The following RIPK4 variants were observed in gnomAD, a reference collection of about 807,000 sequenced individuals.
RIPK4 encodes the protein receptor-interacting serine/threonine-protein kinase 4.
A neutral mutation model predicts 42.9 loss-of-function variants in RIPK4; 17 were observed. That is an observed-to-expected ratio of 0.40 (90% CI 0.27 to 0.59). The LOEUF (loss-of-function observed/expected upper bound fraction) is 0.59, where lower values mean the gene tolerates loss of function less well. Among genes scored for constraint, RIPK4 ranks in the 20% least tolerant of loss-of-function variants. RIPK4 has a pLI of 0.47. For synonymous variants in RIPK4, 498 were observed against 499.1 expected (o/e 1.00, Z 0.03); for missense variants, 897 against 1,104.4 (o/e 0.81, Z 2.66).
At chr21:41,766,792 C>A in intron 1 of RIPK4, 68 bp downstream of exon 1, 1 of 1,493,534 alleles carries the variant, frequency 6.7e-7, no homozygotes. Flanking sequence ...GACCCCGGGA[C>A]CAGAGCACCC....
rs201802815 is a variant in RIPK4, at chr21:41,740,916, G to T, written c.2277C>A (p.Ala759=). The T allele has an allele frequency of 6.2e-7, 1 of 1,612,496 alleles. No individual in the cohort carries two copies. Among genetic ancestry groups the T allele is most frequent in the Non-Finnish European group, 8.5e-7 (1 of 1,179,836 alleles). The change falls in exon 8 of 8, where the codon GCC becomes GCA. Residue 759 remains alanine, a synonymous_variant. Transcript: ENST00000332512. ...QTVETLLRHG[A]HINLQSLKFQ... ...ACTTGAGGCTCTGCAGGTTGATGTGGGCCCCATGCCTGAGCAGAGTCTCCA... is the reference window on the plus strand; with the variant it reads ...ACTTGAGGCTCTGCAGGTTGATGTGTGCCCCATGCCTGAGCAGAGTCTCCA...
rs551271366 is a variant in RIPK4 at position 41,764,604 on chromosome 21, A to G, written c.182+2256T>C. On this transcript the variant is annotated intron_variant, in intron 1 of 7. Transcript: ENST00000332512. The stretch of plus-strand genomic sequence containing the variant: ...CTGGGGTGGGAGGCAGCTCGTCAGA[A>G]AAGCACTGAGAAATGTGGCAGGGCA... Among the ~76,000 whole-genome samples, 19 of 152,304 alleles carry G rather than the reference A, an allele frequency of 1.2e-4. No individual in the cohort carries two copies. In the South Asian group the frequency reaches 3.7e-3, roughly 30 times the overall value.
chr21:41,742,140 T>C lies in RIPK4; in HGVS notation c.1196-143A>G. ...CTGGTCACCCGACTGTGTTTGAGCG[T>C]TGTCTGTGCCTCGTGATTAAGGTCA... On this transcript the variant is annotated intron_variant, in intron 7 of 7. Transcript: ENST00000332512. The surrounding 1 kb of genome is among the most constrained non-coding windows in gnomAD (Gnocchi z 5.1). 1.3e-6 allele frequency: 1 copy of C among 759,192 alleles called. No individual in the cohort carries two copies. Among genetic ancestry groups the C allele is most frequent in the South Asian group, 1.8e-5 (1 of 56,892 alleles). 47.0% of individuals were successfully genotyped at this position (759,192 alleles called of 1,614,324 possible). A position where few individuals can be genotyped will look rare whatever the true frequency, so the allele number is the denominator to read the frequency against.
In RIPK4 at chr21:41,755,762, C is replaced by T. The variant is rs527919414; in HGVS notation, c.474+763G>A. Among the ~76,000 whole-genome samples the T allele has an allele frequency of 3.3e-5, 5 of 152,346 alleles. No individual in the cohort carries two copies. Among genetic ancestry groups the T allele is most frequent in the African/African-American group, 1.2e-4 (5 of 41,566 alleles). ...CCACGTGGGGAAAAACTACAACGCG[C>T]CAGGTGTAACCACCACATGTCAACG... On this transcript the variant is annotated intron_variant, in intron 2 of 7. Transcript: ENST00000332512. The surrounding 1 kb of genome is among the most constrained non-coding windows in gnomAD (Gnocchi z 4.2).
chr21:41,744,649 A>C (rs7276631), intron 6 of RIPK4, among the ~76,000 whole-genome samples: 6,951 of 152,340 alleles, frequency 0.046, 230 homozygotes, highest in Middle Eastern at 0.078. Flanking sequence ...AATGTGAGGC[A>C]TGTATGGCGG....
intron 1 of RIPK4, among the ~76,000 whole-genome samples, chr21:41,757,546 C>A (rs1173371487): frequency 1.3e-5 from 2 of 148,976 alleles, no homozygotes; most frequent in African/African-American, 4.9e-5. Context: ...AAAGTTGTAA[C>A]TAGTTATGTT....
In RIPK4 at chr21:41,740,135, TGTGTGGTTGTCCACAAGG is replaced by T. The variant is rs2061147878; in HGVS notation, c.*685_*702del. ...GCAGCTAGTACCATGTGGGCACGTG[TGTGTGGTTGTCCACAAGG>T]ACTCACCCAAGTAATAGACTGGAAT... On this transcript the variant is annotated 3_prime_UTR_variant, in exon 8 of 8. Coordinates refer to ENST00000332512, the MANE Select transcript of RIPK4 (RefSeq NM_020639.3). 6.6e-6 allele frequency: 1 copy of T among 152,226 alleles called. No individual in the cohort carries two copies. The highest frequency in any genetic ancestry group is 1.5e-5 in the Non-Finnish European group (1 of 68,050). 9.4% of individuals were successfully genotyped at this position (152,226 alleles called of 1,614,324 possible). A position where few individuals can be genotyped will look rare whatever the true frequency, so the allele number is the denominator to read the frequency against.
At chr21:41,763,756 G>A (rs539910258) in intron 1 of RIPK4, among the ~76,000 whole-genome samples, 2 of 152,308 alleles carry the variant, frequency 1.3e-5, no homozygotes, top group East Asian at 3.9e-4. Context: ...CAGCTCTGTT[G>A]TTACAAACCT....
intron 1 of RIPK4, among the ~76,000 whole-genome samples, chr21:41,758,037 TATATAG>T (rs1470198311): frequency 2.3e-4 from 22 of 95,716 alleles, no homozygotes; most frequent in African/African-American, 1.2e-3. Flanking sequence ...TATATATATA[TATATAG>T]AGAGAGAGAG....
At chr21:41,766,717 G>T (rs1569109295) in intron 1 of RIPK4, 143 bp downstream of exon 1, 6 of 872,670 alleles carry the variant, frequency 6.9e-6, no homozygotes, top group Middle Eastern at 3.6e-4. Context: ...GAGCCCCGCG[G>T]CCTCGCCGGC....
Position 41,741,943 on chromosome 21 carries a change from C to T in RIPK4, c.1250G>A (p.Gly417Glu), listed in dbSNP as rs1298443288. The change falls in exon 8 of 8, where the codon GGG becomes GAG. Residue 417 changes from glycine (G) to glutamate (E), a missense_variant. By Grantham distance (98) the Gly-to-Glu change is moderately conservative. Coordinates refer to ENST00000332512, the MANE Select transcript of RIPK4 (RefSeq NM_020639.3). Reference sequence around the variant, plus strand: ...GATCTTCATCAGTTTGCTGGTGTCCCCGGACACGATGGCATCCACAAGCTT... The same window carrying T: ...GATCTTCATCAGTTTGCTGGTGTCCTCGGACACGATGGCATCCACAAGCTT... ...KKKLVDAIVS[G>E]DTSKLMKILQ... is the part of the protein sequence containing the mutation. The T allele has an allele frequency of 5.6e-6, 9 of 1,610,138 alleles. No individual in the cohort carries two copies. The highest frequency in any genetic ancestry group is 7.6e-6 in the Non-Finnish European group (9 of 1,177,604).
chr21:41,741,698 C>T lies in RIPK4; in HGVS notation c.1495G>A (p.Ala499Thr), dbSNP rs766806816. ...GCTGTCCACTGGTCCTCATCCTTGG[C>T]GTTGACACTGATCTTCCGCGCCAGC... ...LLLARKISVN[A>T]KDEDQWTALH... Residue 499 changes from alanine (A) to threonine (T), a missense_variant, in exon 8 of 8, where the codon GCC (alanine) becomes ACC (threonine). Physicochemically the swap from Ala to Thr is moderately conservative, Grantham distance 58 (BLOSUM62 0). Transcript: ENST00000332512. 6 of 1,613,664 alleles carry T rather than the reference C, an allele frequency of 3.7e-6. No individual in the cohort carries two copies. The highest frequency in any genetic ancestry group is 2.2e-5 in the South Asian group (2 of 91,080).
chr21:41,741,064 G>A lies in RIPK4; in HGVS notation c.2129C>T (p.Ala710Val). ...CACCTCCGAGTGCCCGTGGGCGGCA[G>A]CCAGGTGCAGCGCCGTCTGGTTCAG... The part of the protein sequence containing the change: ...GPLNQTALHL[A>V]AAHGHSEVVE... The change falls in exon 8 of 8, where the codon GCT becomes GTT. Residue 710 changes from alanine (A) to valine (V), a missense_variant. By Grantham distance (64) the Ala-to-Val change is moderately conservative. Coordinates refer to ENST00000332512, the MANE Select transcript of RIPK4 (RefSeq NM_020639.3). 1 of 1,610,734 alleles carries A rather than the reference G, an allele frequency of 6.2e-7. No individual in the cohort carries two copies. The highest frequency in any genetic ancestry group is 8.5e-7 in the Non-Finnish European group (1 of 1,179,426).
chr21:41,745,742 T>C lies in RIPK4; in HGVS notation c.936+17A>G, dbSNP rs1330361929. 5 of 1,599,976 alleles carry C rather than the reference T, an allele frequency of 3.1e-6. No homozygotes were observed. The highest frequency in any genetic ancestry group is 2.2e-5 in the East Asian group (1 of 44,816). ...AAGCCGAGGAGACAAAAGACCCCTG[T>C]GGGAAGGACTCGTTACCTCGCTCCT... is the stretch of plus-strand genomic sequence containing the variant. On this transcript the variant is annotated intron_variant, in intron 6 of 7. Transcript: ENST00000332512.
intron 1 of RIPK4, among the ~76,000 whole-genome samples, chr21:41,765,215 A>G (rs1205695652): frequency 6.6e-6 from 1 of 152,236 alleles, no homozygotes; most frequent in African/African-American, 2.4e-5. Flanking sequence ...CACATCCCCA[A>G]GAGATAAAAC....
chr21:41,763,949 C>T (rs1165481488), intron 1 of RIPK4, among the ~76,000 whole-genome samples: 1 of 152,156 alleles, frequency 6.6e-6, no homozygotes, highest in Admixed American at 6.5e-5. Flanking sequence ...CATCCCTACA[C>T]CCCACCCTAG....
rs144986691 is a variant in RIPK4, at chr21:41,755,868, C to T, written c.474+657G>A. On this transcript the variant is annotated intron_variant, in intron 2 of 7. Coordinates refer to ENST00000332512, the MANE Select transcript of RIPK4 (RefSeq NM_020639.3). The surrounding 1 kb of genome is among the most constrained non-coding windows in gnomAD (Gnocchi z 4.2). ...TGATGCAAAGGTGATGATGCTAACA[C>T]CTGCCAAGGCCCAGAGGCAACACTG... Among the ~76,000 whole-genome samples, 1 of 152,358 alleles carries T rather than the reference C, an allele frequency of 6.6e-6. No individual in the cohort carries two copies. Among genetic ancestry groups the T allele is most frequent in the Non-Finnish European group, 1.5e-5 (1 of 68,028 alleles).
rs1050061014 is a variant in RIPK4 at position 41,751,580 on chromosome 21, C to T, written c.475-335G>A. On this transcript the variant is annotated intron_variant, in intron 2 of 7. Transcript: ENST00000332512. This position sits in a 1 kb window ranked among gnomAD's most constrained non-coding sequence, Gnocchi z 4.5. Reference sequence around the variant, plus strand: ...CATGTTTGCCATGGTGGTTGAGAGCCGGCTGAGCCGGCATAAAGGGAAAAA... The same window carrying T: ...CATGTTTGCCATGGTGGTTGAGAGCTGGCTGAGCCGGCATAAAGGGAAAAA... Among the ~76,000 whole-genome samples the T allele has an allele frequency of 3.9e-5, 6 of 152,186 alleles. No individual in the cohort carries two copies. Among genetic ancestry groups the T allele is most frequent in the Non-Finnish European group, 8.8e-5 (6 of 68,034 alleles).
At chr21:41,756,872 G>T (rs1362752374) in intron 1 of RIPK4, 56 bp from the exon 2 acceptor site, 8 of 1,564,258 alleles carry the variant, frequency 5.1e-6, no homozygotes, top group South Asian at 1.2e-5. Context: ...CACAAACATG[G>T]AACAGCACCC....
Sources: allele counts gnomAD v4.1 joint callset (sites outside exome capture counted in the v4.1 genomes callset), GRCh38; gene constraint gnomAD v4.1.1; non-coding constraint Gnocchi (gnomAD v3.1); transcripts MANE v1.5; gene names NCBI Gene and HGNC (gene_info 2026-07-23, HGNC 2026-07-21).